The following SLC35A1 variants were observed in gnomAD, a reference collection of about 807,000 sequenced individuals.
SLC35A1 encodes CMP-sialic acid transporter.
Under a neutral mutation model 40.3 loss-of-function variants are expected in SLC35A1, and 21 were observed. The observed-to-expected ratio is 0.52, with a 90% CI of 0.37 to 0.75. SLC35A1 has a LOEUF of 0.75. SLC35A1 is among the 30% of genes least tolerant of loss of function. The probability of loss-of-function intolerance (pLI) is 0.00; values close to 1 mark genes in which losing one functional copy is unlikely to be tolerated. For synonymous variants in SLC35A1, 146 were observed against 147.3 expected (o/e 0.99, Z 0.06); for missense variants, 297 against 382.1 (o/e 0.78, Z 1.86).
chr6:87,495,092 C>T (rs1324989577), intron 2 of SLC35A1, among the ~76,000 whole-genome samples: 1 of 152,144 alleles, frequency 6.6e-6, no homozygotes, highest in Non-Finnish European at 1.5e-5. Context: ...GCCTCAGCCT[C>T]CCCAGTAGCT....
chr6:87,489,236 G>C (rs1769473266), intron 2 of SLC35A1, among the ~76,000 whole-genome samples: 1 of 151,976 alleles, frequency 6.6e-6, no homozygotes, highest in Non-Finnish European at 1.5e-5. Context: ...TCCCCAGTGT[G>C]GTGATGTTGG....
intron 4 of SLC35A1, among the ~76,000 whole-genome samples, chr6:87,502,943 C>A (rs1018313687): frequency 3.9e-5 from 6 of 152,088 alleles, no homozygotes; most frequent in Admixed American, 3.9e-4. Flanking sequence ...AACCAGAATG[C>A]AGGTTGAGTT....
At chr6:87,499,854 G>A (rs540298241) in intron 2 of SLC35A1, among the ~76,000 whole-genome samples, 3 of 152,260 alleles carry the variant, frequency 2.0e-5, no homozygotes, top group South Asian at 4.1e-4. Context: ...AGTGGCTCAC[G>A]CCTGTAATCC....
chr6:87,504,829 C>CA (rs1431042148), intron 4 of SLC35A1, among the ~76,000 whole-genome samples: 3 of 152,172 alleles, frequency 2.0e-5, no homozygotes, highest in African/African-American at 7.2e-5. Flanking sequence ...TGGAGCTTCC[C>CA]AGCAGATGTT....
At chr6:87,495,575 A>G (rs908184185) in intron 2 of SLC35A1, among the ~76,000 whole-genome samples, 5 of 151,990 alleles carry the variant, frequency 3.3e-5, no homozygotes, top group African/African-American at 9.7e-5. Flanking sequence ...GGAAGTAAAA[A>G]TCATGTCCCT....
chr6:87,501,643 T>C (rs1440711313), intron 4 of SLC35A1, among the ~76,000 whole-genome samples: 1 of 152,178 alleles, frequency 6.6e-6, no homozygotes, highest in Non-Finnish European at 1.5e-5. Context: ...TGACCACAAC[T>C]GTGCCAGTTT....
At position 87,499,108 on chromosome 6, in the gene SLC35A1, C is replaced by G. The variant is rs1025069666; in HGVS notation, c.195-1400C>G. The G allele has an allele frequency of 3.1e-6, 3 of 983,462 alleles. No homozygotes were observed. The African/African-American group carries it at 5.2e-5, about 17-fold the overall frequency. 60.9% of individuals were successfully genotyped at this position (983,462 alleles called of 1,614,324 possible). ...CTGTGGCTTAGGTCAAAGTTCCTGT[C>G]TTATTAATTAAGCATTTTCTTGGAG... On this transcript the variant is annotated intron_variant, in intron 2 of 7. Coordinates refer to ENST00000369552, the MANE Select transcript of SLC35A1 (RefSeq NM_006416.5).
intron 2 of SLC35A1, among the ~76,000 whole-genome samples, chr6:87,491,852 A>G (rs1170185225): frequency 3.9e-5 from 6 of 152,216 alleles, no homozygotes; most frequent in Non-Finnish European, 8.8e-5. Context: ...TAATTCCATC[A>G]TGAGGACTCT....
intron 2 of SLC35A1, among the ~76,000 whole-genome samples, chr6:87,492,614 C>G (rs899569749): frequency 1.4e-5 from 2 of 142,532 alleles, no homozygotes; most frequent in Non-Finnish European, 3.0e-5. Flanking sequence ...ATGGCATGAT[C>G]TCAGCTGACT....
At chr6:87,498,857 C>G (rs981065598) in intron 2 of SLC35A1, among the ~76,000 whole-genome samples, 1 of 152,136 alleles carries the variant, frequency 6.6e-6, no homozygotes, top group Non-Finnish European at 1.5e-5. Flanking sequence ...AAAAGGCAAA[C>G]ATTAGTTTAA....
intron 4 of SLC35A1, among the ~76,000 whole-genome samples, chr6:87,503,494 C>T (rs1769982044): frequency 6.6e-6 from 1 of 152,116 alleles, no homozygotes; most frequent in South Asian, 2.1e-4. Flanking sequence ...TCGCAGATCA[C>T]CAGGTGAGGA....
At chr6:87,508,929 ATTTTCC>A (rs768904782) in intron 6 of SLC35A1, 106 bp from the exon 7 acceptor site, 3 of 1,156,654 alleles carry the variant, frequency 2.6e-6, no homozygotes, top group Non-Finnish European at 3.9e-6. Flanking sequence ...GGAAAACAGT[ATTTTCC>A]TTTTCCTAGG....
rs1761896421 is a variant in SLC35A1, at chr6:87,500,652, T to A, written c.339T>A (p.Asp113Glu). ...NMAFLALSNL[D>E]AAVYQVTYQL... The stretch of plus-strand genomic sequence containing the variant: ...CTTTCCTAGCTCTTAGCAATCTGGA[T>A]GCAGCAGTGTACCAGGTAAGTGGAG... The change falls in exon 3 of 8, where the codon GAT becomes GAA. Residue 113 changes from aspartate to glutamate, a missense_variant. Asp to Glu is a conservative substitution (Grantham distance 45). Coordinates refer to ENST00000369552, the MANE Select transcript of SLC35A1 (RefSeq NM_006416.5). The A allele has an allele frequency of 6.2e-7, 1 of 1,613,996 alleles. No homozygotes were observed. Among genetic ancestry groups the A allele is most frequent in the South Asian group, 1.1e-5 (1 of 91,082 alleles).
intron 2 of SLC35A1, 52 bp from the exon 3 acceptor site, chr6:87,500,456 T>G (rs1769883277): frequency 6.4e-7 from 1 of 1,550,994 alleles, no homozygotes; most frequent in African/African-American, 1.4e-5. Flanking sequence ...AAAATAATAC[T>G]CTTTAATTTT....
chr6:87,495,755 A>G (rs1045307565), intron 2 of SLC35A1, among the ~76,000 whole-genome samples: 9 of 151,424 alleles, frequency 5.9e-5, no homozygotes, highest in Admixed American at 2.0e-4. Flanking sequence ...TCCCGGGTTC[A>G]TGCCATCCTC....
chr6:87,488,739 T>G (rs1270455017), intron 2 of SLC35A1, among the ~76,000 whole-genome samples: 3 of 152,244 alleles, frequency 2.0e-5, no homozygotes, highest in Non-Finnish European at 4.4e-5. Context: ...ATCTGAAGTC[T>G]AGTCACACTC....
intron 2 of SLC35A1, among the ~76,000 whole-genome samples, chr6:87,490,327 T>C (rs1266821261): frequency 6.8e-6 from 1 of 146,752 alleles, no homozygotes; most frequent in Non-Finnish European, 1.5e-5. Flanking sequence ...CTGATATATA[T>C]TGTCATCATT....
In SLC35A1 at chr6:87,477,547, T is replaced by C. The variant is rs749577749; in HGVS notation, c.194+8T>C. On this transcript the variant is annotated splice_region_variant and intron_variant, in intron 2 of 7. Coordinates refer to ENST00000369552, the MANE Select transcript of SLC35A1 (RefSeq NM_006416.5). ...TGTGGGAATTTTAGCTAAGTGAGTA[T>C]AAATACTTATAGTGTGTTAAATTAT... 4.4e-6 allele frequency: 7 copies of C among 1,593,990 alleles called. No individual in the cohort carries two copies. In the Admixed American group the frequency reaches 1.2e-4, roughly 27 times the overall value.
intron 2 of SLC35A1, among the ~76,000 whole-genome samples, chr6:87,485,192 A>G (rs1161912194): frequency 6.6e-6 from 1 of 152,214 alleles, no homozygotes; most frequent in African/African-American, 2.4e-5. Context: ...AAAAAATGTT[A>G]TGAGATGATT....
Sources: gnomAD v4.1 joint callset for allele counts (sites outside exome capture counted in the v4.1 genomes callset) on GRCh38, gnomAD v4.1.1 for gene constraint, MANE v1.5 for transcripts, NCBI Gene and HGNC (gene_info 2026-07-23, HGNC 2026-07-21) for gene names.